LY96: variants seen among roughly 807,000 people sequenced by gnomAD.
The protein encoded by LY96 is lymphocyte antigen 96.
Under a neutral mutation model 18.9 loss-of-function variants are expected in LY96, and 18 were observed. That is an observed-to-expected ratio of 0.95 (90% CI 0.66 to 1.41). The LOEUF (loss-of-function observed/expected upper bound fraction) is 1.41, where lower values mean the gene tolerates loss of function less well. Ranked by LOEUF, LY96 falls within the 40% of genes most tolerant of loss-of-function variation. LY96 has a pLI of 0.00. For missense variants in LY96, 175 were observed against 182.4 expected, an observed-to-expected ratio of 0.96 and a Z score of 0.23; for synonymous variants, 66 against 62.6, an observed-to-expected ratio of 1.06 and a Z score of -0.26.
chr8:74,021,462 C>T (rs1816758401), intron 3 of LY96, among the ~76,000 whole-genome samples: 1 of 152,206 alleles, frequency 6.6e-6, no homozygotes, highest in African/African-American at 2.4e-5. Context: ...AATGCTTTTA[C>T]ACTGTTGGTG....
At chr8:74,086,720 C>T in the LY96 span, among the ~76,000 whole-genome samples, 81 of 152,208 alleles carry the variant, frequency 5.3e-4, 1 homozygote, top group Non-Finnish European at 1.5e-4. Flanking sequence ...CAATGTGATG[C>T]TTTTAAGACG....
chr8:74,021,242 C>CATCAAAAAGTG (rs1188970621), intron 3 of LY96, among the ~76,000 whole-genome samples: 7 of 152,124 alleles, frequency 4.6e-5, no homozygotes, highest in African/African-American at 1.4e-4. Context: ...CAAACAACCC[C>CATCAAAAAGTG]ATCAAAAAGT....
the LY96 span, among the ~76,000 whole-genome samples, chr8:74,068,089 A>AT: frequency 9.4e-4 from 64 of 67,818 alleles, no homozygotes; most frequent in African/African-American, 2.8e-3. Context: ...AAAAAAAAAA[A>AT]ATATATATAT....
At chr8:74,086,074 C>G in the LY96 span, among the ~76,000 whole-genome samples, 1 of 152,162 alleles carries the variant, frequency 6.6e-6, no homozygotes. Flanking sequence ...AACCAATATT[C>G]TATCCTCTGT....
At chr8:74,051,116 A>G in the LY96 span, among the ~76,000 whole-genome samples, 1 of 152,344 alleles carries the variant, frequency 6.6e-6, no homozygotes, top group East Asian at 1.9e-4. Flanking sequence ...AATGTGGCCA[A>G]TGGGCAGAAG....
the LY96 span, among the ~76,000 whole-genome samples, chr8:74,089,086 A>C: frequency 2.6e-5 from 4 of 152,138 alleles, no homozygotes; most frequent in South Asian, 8.3e-4. Context: ...CTAGCAGGAT[A>C]GGGTTAGTCC....
intron 1 of LY96, among the ~76,000 whole-genome samples, chr8:73,993,861 G>A (rs1480697553): frequency 6.6e-6 from 1 of 152,126 alleles, no homozygotes; most frequent in South Asian, 2.1e-4. Context: ...TTACAGATAT[G>A]AGCCACTGCA....
At chr8:74,033,862 A>G (rs1341107296), downstream of LY96, among the ~76,000 whole-genome samples, 1 of 151,936 alleles carries the variant, frequency 6.6e-6, no homozygotes, top group African/African-American at 2.4e-5. Context: ...GCATAAGTGT[A>G]GTAAGATTCG....
the LY96 span, among the ~76,000 whole-genome samples, chr8:74,080,982 CTCTCTTTCTTTCTTTCTT>C: frequency 1.1e-4 from 14 of 127,802 alleles, no homozygotes; most frequent in African/African-American, 4.8e-4. Context: ...CTTTCTTTCT[CTCTCTTTCTTTCTTTCTT>C]TCTTTCTTTC....
rs1468022707 is a variant in LY96 at position 74,002,039 on chromosome 8, C to T, written c.113-2757C>T. Among the ~76,000 whole-genome samples the T allele has an allele frequency of 4.4e-4, 14 of 32,004 alleles. 2 individuals are homozygous for T. The highest frequency in any genetic ancestry group is 2.7e-3 in the African/African-American group (12 of 4,378). The allele number at this position is 32,004 out of a possible 152,430, so 21.0% of individuals were successfully genotyped here. Reference sequence around the variant, plus strand: ...CCTTCCTTCCTTCCTTCCTTCCTTCCTTCCTTCCTTCCTTCCTTCCTTCCT... The same window carrying T: ...CCTTCCTTCCTTCCTTCCTTCCTTCTTTCCTTCCTTCCTTCCTTCCTTCCT... On this transcript the variant is annotated intron_variant, in intron 1 of 4. Coordinates refer to ENST00000284818, the MANE Select transcript of LY96 (RefSeq NM_015364.5).
At chr8:74,023,912 T>C (rs898853589) in intron 3 of LY96, among the ~76,000 whole-genome samples, 1 of 152,340 alleles carries the variant, frequency 6.6e-6, no homozygotes, top group East Asian at 1.9e-4. Flanking sequence ...AAAAACATTA[T>C]GGCAAGTCTA....
At chr8:74,002,866 G>T (rs1377008207) in intron 1 of LY96, among the ~76,000 whole-genome samples, 1 of 152,110 alleles carries the variant, frequency 6.6e-6, no homozygotes, top group African/African-American at 2.4e-5. Flanking sequence ...GAGTCACCGT[G>T]CCCAGCCTTC....
chr8:74,084,624 CT>C, the LY96 span, among the ~76,000 whole-genome samples: 1 of 151,844 alleles, frequency 6.6e-6, no homozygotes, highest in African/African-American at 2.4e-5. Flanking sequence ...TCTCTTTTTT[CT>C]TTTTTTGAGA....
the LY96 span, among the ~76,000 whole-genome samples, chr8:74,060,255 G>A: frequency 2.6e-5 from 4 of 152,214 alleles, no homozygotes; most frequent in Non-Finnish European, 4.4e-5. Flanking sequence ...GTGTCTGTCT[G>A]AGAGGTGTTT....
the LY96 span, among the ~76,000 whole-genome samples, chr8:74,035,646 A>G: frequency 9.2e-5 from 14 of 152,318 alleles, no homozygotes; most frequent in East Asian, 2.5e-3. Flanking sequence ...ATGCCAACCA[A>G]CATTTAACAG....
At chr8:74,044,965 A>T in the LY96 span, among the ~76,000 whole-genome samples, 3 of 152,138 alleles carry the variant, frequency 2.0e-5, no homozygotes, top group East Asian at 5.8e-4. Context: ...ACATTATACA[A>T]CCTCTGTGGT....
the LY96 span, among the ~76,000 whole-genome samples, chr8:74,068,939 C>T: frequency 6.6e-6 from 1 of 152,082 alleles, no homozygotes; most frequent in African/African-American, 2.4e-5. Flanking sequence ...GGAATACAGG[C>T]ACACACCACC....
At chr8:74,039,711 T>C in the LY96 span, among the ~76,000 whole-genome samples, 1 of 152,204 alleles carries the variant, frequency 6.6e-6, no homozygotes, top group Admixed American at 6.5e-5. Flanking sequence ...TTTTCTTCTA[T>C]GCACTTATAA....
the LY96 span, among the ~76,000 whole-genome samples, chr8:74,066,753 G>C: frequency 6.6e-6 from 1 of 152,194 alleles, no homozygotes; most frequent in Non-Finnish European, 1.5e-5. Flanking sequence ...ACTGGAGGCA[G>C]GTGGACCAGC....
Sources: allele counts gnomAD v4.1 joint callset (sites outside exome capture counted in the v4.1 genomes callset), GRCh38; gene constraint gnomAD v4.1.1; transcripts MANE v1.5; gene names NCBI Gene and HGNC (gene_info 2026-07-23, HGNC 2026-07-21).